RBMS3: variants seen among roughly 807,000 people sequenced by gnomAD.
RBMS3 encodes the protein RNA-binding motif, single-stranded-interacting protein 3.
RBMS3 carries 27 observed loss-of-function variants against 66.8 expected under a neutral mutation model. The observed-to-expected ratio is 0.40, with a 90% CI of 0.30 to 0.56. The LOEUF is 0.56. Among genes scored for constraint, RBMS3 ranks in the 20% least tolerant of loss-of-function variants. The pLI is 0.40. For synonymous variants in RBMS3, 188 were observed against 183.0 expected, an observed-to-expected ratio of 1.03 and a Z score of -0.22; for missense variants, 513 against 549.5, an observed-to-expected ratio of 0.93 and a Z score of 0.66.
intron 7 of RBMS3, among the ~76,000 whole-genome samples, chr3:29,872,845 TA>T (rs753172439): frequency 6.1e-4 from 93 of 152,154 alleles, no homozygotes; most frequent in Non-Finnish European, 7.5e-4. Flanking sequence ...ATTTATTGAA[TA>T]GGGGGTCTTT....
At chr3:29,873,385 G>A (rs1173859157) in intron 7 of RBMS3, among the ~76,000 whole-genome samples, 6 of 151,944 alleles carry the variant, frequency 3.9e-5, no homozygotes, top group South Asian at 4.2e-4. Flanking sequence ...TTTGGCTCTC[G>A]ACTTGGCTGC....
intron 3 of RBMS3, 65 bp downstream of exon 3, chr3:29,488,564 T>C (rs1229937276): frequency 4.2e-6 from 6 of 1,433,196 alleles, no homozygotes; most frequent in Non-Finnish European, 5.8e-6. Context: ...GTTCTTCCAT[T>C]GTGGAGGTCC....
intron 1 of RBMS3, among the ~76,000 whole-genome samples, chr3:29,372,536 G>A (rs1400739704): frequency 1.2e-4 from 18 of 151,562 alleles, no homozygotes; most frequent in African/African-American, 4.4e-4. Flanking sequence ...AAAAATAATG[G>A]TTTTGTTGGG....
intron 3 of RBMS3, among the ~76,000 whole-genome samples, chr3:29,497,972 C>CTTTTTTT (rs1559412873): frequency 1.2e-4 from 5 of 42,332 alleles, no homozygotes; most frequent in East Asian, 1.7e-3. Flanking sequence ...TAAAAGTATT[C>CTTTTTTT]ATTTTTTTTT....
chr3:29,660,305 T>G (rs1189881648), intron 4 of RBMS3, among the ~76,000 whole-genome samples: 1 of 152,182 alleles, frequency 6.6e-6, no homozygotes, highest in African/African-American at 2.4e-5. Context: ...CTTCGTCTCT[T>G]GTAAAATTTT....
chr3:29,408,042 G>A (rs2125678379), intron 1 of RBMS3, among the ~76,000 whole-genome samples: 1 of 152,168 alleles, frequency 6.6e-6, no homozygotes, highest in African/African-American at 2.4e-5. Flanking sequence ...GGAGGCCGAG[G>A]TGGGCAGATC....
At chr3:29,329,678 A>G (rs931956994) in intron 1 of RBMS3, among the ~76,000 whole-genome samples, 2 of 151,882 alleles carry the variant, frequency 1.3e-5, no homozygotes, top group Non-Finnish European at 2.9e-5. Context: ...TTGATGTGCC[A>G]TGCATTGAGT....
intron 2 of RBMS3, among the ~76,000 whole-genome samples, chr3:29,460,934 C>T (rs945995246): frequency 1.3e-5 from 2 of 152,130 alleles, no homozygotes; most frequent in African/African-American, 4.8e-5. Context: ...CCCTAAACTG[C>T]CCTTAATTCA....
chr3:29,814,607 G>A (rs1266066995), intron 6 of RBMS3, among the ~76,000 whole-genome samples: 1 of 152,030 alleles, frequency 6.6e-6, no homozygotes, highest in African/African-American at 2.4e-5. Flanking sequence ...AATCCATCTG[G>A]TCCTGGACTC....
chr3:29,824,554 A>G (rs1245028547), intron 6 of RBMS3, among the ~76,000 whole-genome samples: 1 of 152,154 alleles, frequency 6.6e-6, no homozygotes, highest in Non-Finnish European at 1.5e-5. Context: ...TTTTTCCTAT[A>G]AAATCCAGAT....
intron 1 of RBMS3, among the ~76,000 whole-genome samples, chr3:29,315,802 C>T (rs568364948): frequency 4.0e-5 from 6 of 151,728 alleles, no homozygotes; most frequent in South Asian, 4.2e-4. Context: ...ATTGTAGAGT[C>T]GAAAGGACAC....
chr3:29,899,629 G>A, intron 9 of RBMS3, 76 bp from the exon 10 acceptor site: 1 of 1,327,788 alleles, frequency 7.5e-7, no homozygotes, highest in Admixed American at 1.8e-5. Flanking sequence ...TTATGACCTA[G>A]TGTGACTCCA....
chr3:29,865,203 T>C (rs918485034), intron 6 of RBMS3, among the ~76,000 whole-genome samples: 2 of 152,038 alleles, frequency 1.3e-5, no homozygotes, highest in African/African-American at 4.8e-5. Flanking sequence ...CTGGCACCCT[T>C]AACAATTAAG....
intron 3 of RBMS3, among the ~76,000 whole-genome samples, chr3:29,510,352 A>G (rs2044348247): frequency 6.6e-6 from 1 of 152,142 alleles, no homozygotes. Context: ...GTCTTTACTC[A>G]GCTCATACTC....
At chr3:29,615,396 A>G (rs1290604172) in intron 4 of RBMS3, among the ~76,000 whole-genome samples, 1 of 152,088 alleles carries the variant, frequency 6.6e-6, no homozygotes, top group Non-Finnish European at 1.5e-5. Context: ...GGATGTTAAT[A>G]AAATCTATAC....
In RBMS3 at chr3:29,993,799, T is replaced by C. The variant is rs150874331; in HGVS notation, c.1307+2590T>C. The stretch of plus-strand genomic sequence containing the variant: ...CAGACTTTCAGACTCAAACTAGAAT[T>C]ACACTGTTGGCTCTCCTGGGTCTCC... On this transcript the variant is annotated intron_variant, in intron 14 of 14. Transcript: ENST00000383767. Among the ~76,000 whole-genome samples the C allele has an allele frequency of 2.0e-4, 31 of 152,358 alleles. No homozygotes were observed. In the East Asian group the frequency reaches 5.4e-3, roughly 27 times the overall value.
chr3:29,914,054 T>C (rs988434810), intron 10 of RBMS3, among the ~76,000 whole-genome samples: 1 of 151,950 alleles, frequency 6.6e-6, no homozygotes, highest in Non-Finnish European at 1.5e-5. Context: ...ACCTCCATTA[T>C]AGATATTATT....
chr3:29,868,543 T>C (rs1029109532), intron 6 of RBMS3, among the ~76,000 whole-genome samples: 1 of 152,224 alleles, frequency 6.6e-6, no homozygotes, highest in Non-Finnish European at 1.5e-5. Flanking sequence ...ATACCGATTA[T>C]GAACACGTTT....
intron 4 of RBMS3, among the ~76,000 whole-genome samples, chr3:29,719,147 A>C (rs1189033259): frequency 6.6e-6 from 1 of 152,138 alleles, no homozygotes; most frequent in Non-Finnish European, 1.5e-5. Flanking sequence ...CTCCATTTCT[A>C]ATGATTCCTC....
Sources: gnomAD v4.1 joint callset for allele counts (sites outside exome capture counted in the v4.1 genomes callset) on GRCh38, gnomAD v4.1.1 for gene constraint, MANE v1.5 for transcripts, NCBI Gene and HGNC (gene_info 2026-07-23, HGNC 2026-07-21) for gene names.